The following OXCT1 variants were observed in gnomAD, a reference collection of about 807,000 sequenced individuals.
OXCT1 encodes 3-oxoacid CoA-transferase 1.
Under a neutral mutation model 69.6 loss-of-function variants are expected in OXCT1, and 27 were observed. The observed-to-expected ratio is 0.39, with a 90% CI of 0.29 to 0.54. The LOEUF (loss-of-function observed/expected upper bound fraction) is 0.54. Among genes scored for constraint, OXCT1 ranks in the 20% least tolerant of loss-of-function variants. The probability of loss-of-function intolerance (pLI) is 0.72; values close to 1 mark genes in which losing one functional copy is unlikely to be tolerated. For synonymous variants in OXCT1, 202 were observed against 217.8 expected, an observed-to-expected ratio of 0.93 and a Z score of 0.64; for missense variants, 437 against 650.2, an observed-to-expected ratio of 0.67 and a Z score of 3.57.
At chr5:41,797,367 C>T (rs1361004958) in intron 11 of OXCT1, among the ~76,000 whole-genome samples, 2 of 152,310 alleles carry the variant, frequency 1.3e-5, no homozygotes, top group East Asian at 3.9e-4. Flanking sequence ...TTAAAAATTA[C>T]ATTCTTTTGA....
chr5:41,841,122 T>G (rs1173739941), intron 6 of OXCT1, among the ~76,000 whole-genome samples: 1 of 152,182 alleles, frequency 6.6e-6, no homozygotes, highest in African/African-American at 2.4e-5. Context: ...AGGTGCCAAT[T>G]TTGCCGATGG....
chr5:41,792,525 C>T (rs1019144355), intron 13 of OXCT1, among the ~76,000 whole-genome samples: 2 of 152,128 alleles, frequency 1.3e-5, no homozygotes, highest in African/African-American at 2.4e-5. Context: ...TCTACTACCC[C>T]GTATGGCCCT....
At chr5:41,827,699 T>C (rs1247864798) in intron 7 of OXCT1, among the ~76,000 whole-genome samples, 3 of 152,150 alleles carry the variant, frequency 2.0e-5, no homozygotes, top group African/African-American at 4.8e-5. Context: ...GAAAGCACAT[T>C]GCTACCCTGG....
chr5:41,856,504 A>G (rs563989707), intron 3 of OXCT1, among the ~76,000 whole-genome samples: 1 of 152,266 alleles, frequency 6.6e-6, no homozygotes, highest in South Asian at 2.1e-4. Context: ...CACACCGACA[A>G]GTGACCACTC....
intron 7 of OXCT1, among the ~76,000 whole-genome samples, chr5:41,814,957 A>G (rs1042453030): frequency 2.6e-5 from 4 of 152,126 alleles, no homozygotes; most frequent in Admixed American, 6.6e-5. Context: ...AGCACCTTCA[A>G]CCTAATGTAT....
chr5:41,798,733 G>A (rs1746292263), intron 11 of OXCT1, among the ~76,000 whole-genome samples: 1 of 152,174 alleles, frequency 6.6e-6, no homozygotes, highest in South Asian at 2.1e-4. Context: ...AAAAATATGA[G>A]ACTTAGAAAT....
intron 7 of OXCT1, among the ~76,000 whole-genome samples, chr5:41,833,575 T>C (rs187804697): frequency 1.6e-4 from 23 of 146,514 alleles, no homozygotes; most frequent in Admixed American, 1.6e-3. Context: ...CATCTGAAGA[T>C]ACAAAACTCA....
intron 7 of OXCT1, among the ~76,000 whole-genome samples, chr5:41,837,378 T>C (rs1748418203): frequency 6.6e-6 from 1 of 151,906 alleles, no homozygotes. Context: ...CTGCTTAAGA[T>C]ACTATAGTAC....
At chr5:41,836,282 G>GC (rs1748357995) in intron 7 of OXCT1, among the ~76,000 whole-genome samples, 1 of 152,190 alleles carries the variant, frequency 6.6e-6, no homozygotes, top group South Asian at 2.1e-4. Flanking sequence ...AGCATGTGTG[G>GC]CAATATGCGC....
In OXCT1 at chr5:41,833,427, A is replaced by C. The variant is rs145539430; in HGVS notation, c.732+7024T>G. Among the ~76,000 whole-genome samples the C allele has an allele frequency of 7.9e-5, 12 of 152,036 alleles. 3 individuals are homozygous for C. The highest frequency in any genetic ancestry group is 2.9e-4 in the African/African-American group (12 of 41,506). On this transcript the variant is annotated intron_variant, in intron 7 of 16. Coordinates refer to ENST00000196371, the MANE Select transcript of OXCT1 (RefSeq NM_000436.4). ...ATGGCAAAATATCTTTCAAGCATGG[A>C]GGAGAAATAAAGAACTTCCAAGACA...
At chr5:41,844,421 T>G (rs1179156159) in intron 5 of OXCT1, among the ~76,000 whole-genome samples, 3 of 152,126 alleles carry the variant, frequency 2.0e-5, no homozygotes, top group African/African-American at 7.2e-5. Flanking sequence ...TTTTTAAAAT[T>G]TCCCTTCTCT....
At chr5:41,868,540 G>A (rs1171607480) in intron 1 of OXCT1, among the ~76,000 whole-genome samples, 2 of 152,072 alleles carry the variant, frequency 1.3e-5, no homozygotes, top group Non-Finnish European at 2.9e-5. Flanking sequence ...CAGCTAAAAC[G>A]GTGAAACCCC....
intron 15 of OXCT1, 119 bp downstream of exon 15, chr5:41,749,408 T>C: frequency 1.5e-6 from 1 of 667,712 alleles, no homozygotes; most frequent in Non-Finnish European, 2.8e-6. Flanking sequence ...TTCCTATTCG[T>C]TCTGCCCACA....
At chr5:41,791,963 C>G (rs1159702534) in intron 13 of OXCT1, among the ~76,000 whole-genome samples, 1 of 152,074 alleles carries the variant, frequency 6.6e-6, no homozygotes, top group African/African-American at 2.4e-5. Flanking sequence ...CCACCACGCC[C>G]GGCTAATTTT....
At chr5:41,840,369 T>A (rs930449657) in intron 7 of OXCT1, 82 bp downstream of exon 7, 9 of 1,026,620 alleles carry the variant, frequency 8.8e-6, no homozygotes, top group African/African-American at 3.2e-5. Context: ...ATAAAACAAA[T>A]GAACTGTGGT....
intron 13 of OXCT1, among the ~76,000 whole-genome samples, chr5:41,780,120 C>A (rs1745324211): frequency 6.6e-6 from 1 of 151,900 alleles, no homozygotes; most frequent in Non-Finnish European, 1.5e-5. Flanking sequence ...TAAAGGTATA[C>A]AAGAATATGA....
At chr5:41,843,599 G>C in intron 5 of OXCT1, 1 of 455,958 alleles carries the variant, frequency 2.2e-6, no homozygotes, top group South Asian at 1.5e-5. Context: ...ATTCTTGACG[G>C]TTTATTTCCG....
intron 6 of OXCT1, among the ~76,000 whole-genome samples, chr5:41,841,755 A>G (rs997307062): frequency 1.3e-5 from 2 of 152,220 alleles, no homozygotes; most frequent in Non-Finnish European, 2.9e-5. Context: ...CAAATAAGGT[A>G]AAGATGATGT....
In OXCT1 at chr5:41,840,518, G is replaced by T; in HGVS notation, c.672-7C>A. On this transcript the variant is annotated splice_polypyrimidine_tract_variant and splice_region_variant and intron_variant, in intron 6 of 16. Coordinates refer to ENST00000196371, the MANE Select transcript of OXCT1 (RefSeq NM_000436.4). ...GAAATTCCTTGCACTTTTCCTACAG[G>T]GGTGGAGGAGATAAGAAAGTGGGGG... 6.2e-7 allele frequency: 1 copy of T among 1,606,512 alleles called. No homozygotes were observed.
Sources: gnomAD v4.1 joint callset for allele counts (sites outside exome capture counted in the v4.1 genomes callset) on GRCh38, gnomAD v4.1.1 for gene constraint, MANE v1.5 for transcripts, NCBI Gene and HGNC (gene_info 2026-07-23, HGNC 2026-07-21) for gene names.